Variants in FMO3 observed in about 807,000 individuals in gnomAD.
FMO3 encodes the protein flavin-containing monooxygenase 3.
Under a neutral mutation model 39.4 loss-of-function variants are expected in FMO3, and 40 were observed. The observed-to-expected ratio is 1.02, with a 90% CI of 0.79 to 1.32. FMO3 has a LOEUF of 1.32. Among genes scored for constraint, FMO3 ranks in the 40% most tolerant of loss-of-function variants. FMO3 has a pLI of 0.00. For missense variants in FMO3, 680 were observed against 651.8 expected, an observed-to-expected ratio of 1.04 and a Z score of -0.47; for synonymous variants, 219 against 228.8, an observed-to-expected ratio of 0.96 and a Z score of 0.39.
At chr1:171,096,443 T>C (rs1211229799) in intron 2 of FMO3, among the ~76,000 whole-genome samples, 3 of 105,156 alleles carry the variant, frequency 2.9e-5, no homozygotes, top group Non-Finnish European at 5.0e-5. Flanking sequence ...TTACATATTT[T>C]ATATATTAAA....
chr1:171,096,560 T>C (rs1415352244), intron 2 of FMO3, among the ~76,000 whole-genome samples: 1 of 65,618 alleles, frequency 1.5e-5, no homozygotes, highest in Non-Finnish European at 2.7e-5. Flanking sequence ...ACTTTATATA[T>C]TAAATACATA....
intron 2 of FMO3, among the ~76,000 whole-genome samples, chr1:171,102,015 G>T (rs1177201327): frequency 6.6e-6 from 1 of 151,932 alleles, no homozygotes; most frequent in Admixed American, 6.6e-5. Flanking sequence ...CTCACAGAAA[G>T]CTACAAATTT....
Position 171,112,540 on chromosome 1 carries a change from C to T in FMO3, c.828-1467C>T, listed in dbSNP as rs112679003. Among the ~76,000 whole-genome samples the T allele has an allele frequency of 3.9e-5, 6 of 152,098 alleles. 1 individual carries two copies. The highest frequency in any genetic ancestry group is 1.2e-4 in the African/African-American group (5 of 41,480). On this transcript the variant is annotated intron_variant, in intron 6 of 8. Transcript: ENST00000367755. ...GTGGACTGGATAGAGGATGAGAGAG[C>T]AAGGAGGGAGTAAGAATGTCTTCAA... is the stretch of plus-strand genomic sequence containing the variant.
chr1:171,100,817 C>A, intron 2 of FMO3: 1 of 263,768 alleles, frequency 3.8e-6, no homozygotes. Context: ...TCAAAGATAT[C>A]ACATCCAAAT....
Position 171,103,826 on chromosome 1 carries a change from C to CA in FMO3, c.174_175insA (p.Phe59IlefsTer19). Reference sequence around the variant, plus strand: ...GCAGGGCTAGCATTTACAAATCAGTCTTTTCCAACTCTTCCAAAGAGATGA... The same window carrying CA: ...GCAGGGCTAGCATTTACAAATCAGTCATTTTCCAACTCTTCCAAAGAGATGA... On this transcript the variant is annotated frameshift_variant, in exon 3 of 9. Transcript: ENST00000367755. LOFTEE classifies it high-confidence loss of function. 1 of 1,613,910 alleles carries CA rather than the reference C, an allele frequency of 6.2e-7. No individual in the cohort carries two copies. The highest frequency in any genetic ancestry group is 8.5e-7 in the Non-Finnish European group (1 of 1,179,878).
At position 171,117,470 on chromosome 1, in the gene FMO3, G is replaced by T. The variant is rs2101925903; in HGVS notation, c.*28G>T. 1 of 1,584,640 alleles carries T rather than the reference G, an allele frequency of 6.3e-7. No homozygotes were observed. The highest frequency in any genetic ancestry group is 2.2e-5 in the East Asian group (1 of 44,680). On this transcript the variant is annotated 3_prime_UTR_variant, in exon 9 of 9. Coordinates refer to ENST00000367755, the MANE Select transcript of FMO3 (RefSeq NM_001002294.3). ...ATCATTTTCTCTAGGATTTCTGAAA[G>T]TTACTGACAATACCCAGACAGGGGC...
At chr1:171,112,102 A>C (rs1399552543) in intron 6 of FMO3, among the ~76,000 whole-genome samples, 1 of 152,182 alleles carries the variant, frequency 6.6e-6, no homozygotes, top group Admixed American at 6.5e-5. Context: ...ATTTACGGGC[A>C]GGGCTGGCAT....
At chr1:171,105,567 T>C (rs1486302925) in intron 3 of FMO3, among the ~76,000 whole-genome samples, 1 of 152,138 alleles carries the variant, frequency 6.6e-6, no homozygotes, top group Non-Finnish European at 1.5e-5. Flanking sequence ...CCTGACTTTT[T>C]AATGATCGCC....
At chr1:171,113,722 G>A (rs1430205863) in intron 6 of FMO3, among the ~76,000 whole-genome samples, 1 of 152,100 alleles carries the variant, frequency 6.6e-6, no homozygotes, top group Non-Finnish European at 1.5e-5. Flanking sequence ...CCTGAAACAG[G>A]CTTTAACAGG....
At chr1:171,096,592 C>G (rs186894091) in intron 2 of FMO3, among the ~76,000 whole-genome samples, 1 of 111,854 alleles carries the variant, frequency 8.9e-6, no homozygotes, top group South Asian at 2.9e-4. Flanking sequence ...ATATTAAATA[C>G]ATAATATACT....
At chr1:171,100,650 T>A (rs531347269) in intron 2 of FMO3, 1 of 155,846 alleles carries the variant, frequency 6.4e-6, no homozygotes, top group African/African-American at 2.4e-5. Context: ...ATTGAAAATA[T>A]ATAAATGAGA....
intron 1 of FMO3, among the ~76,000 whole-genome samples, chr1:171,092,223 G>A (rs1654747114): frequency 6.6e-6 from 1 of 151,924 alleles, no homozygotes; most frequent in African/African-American, 2.4e-5. Context: ...ATCACTAAAA[G>A]GAATTTGTTT....
At position 171,096,307 on chromosome 1, in the gene FMO3, TATA is replaced by T. The variant is rs1409075301; in HGVS notation, c.132+3521_132+3523del. Among the ~76,000 whole-genome samples, 391 of 96,264 alleles carry T rather than the reference TATA, an allele frequency of 4.1e-3. 2 individuals carry two copies. The highest frequency in any genetic ancestry group is 0.015 in the African/African-American group (351 of 22,834). 63.2% of individuals were successfully genotyped at this position (96,264 alleles called of 152,430 possible). On this transcript the variant is annotated intron_variant, in intron 2 of 8. Transcript: ENST00000367755. ...TATTATATATCTATTATATATCATATATAATATTTATATATAATATATAAAATA... is the reference window on the plus strand; with the variant it reads ...TATTATATATCTATTATATATCATATATATTTATATATAATATATAAAATA...
chr1:171,115,714 T>C (rs1040972504), intron 7 of FMO3, among the ~76,000 whole-genome samples: 1 of 152,158 alleles, frequency 6.6e-6, no homozygotes, highest in Admixed American at 6.5e-5. Context: ...GTCTCCTGGG[T>C]CTCCCTTATG....
In FMO3 at chr1:171,117,263, G is replaced by C. The variant is rs1656201510; in HGVS notation, c.1420G>C (p.Val474Leu). The change falls in exon 9 of 9, where the codon GTG becomes CTG. Residue 474 changes from valine (V) to leucine (L), a missense_variant. Coordinates refer to ENST00000367755, the MANE Select transcript of FMO3 (RefSeq NM_001002294.3). ...TTGTAGTCCCTACCAGTTTAGGCTG[G>C]TGGGCCCAGGGCAGTGGCCAGGAGC... is the stretch of plus-strand genomic sequence containing the variant. ...GPCSPYQFRL[V>L]GPGQWPGARN... 2 of 1,614,056 alleles carry C rather than the reference G, an allele frequency of 1.2e-6. No homozygotes were observed. The highest frequency in any genetic ancestry group is 2.2e-5 in the East Asian group (1 of 44,888).
intron 2 of FMO3, among the ~76,000 whole-genome samples, chr1:171,099,372 A>G (rs1655252229): frequency 6.6e-6 from 1 of 152,186 alleles, no homozygotes; most frequent in East Asian, 1.9e-4. Flanking sequence ...CATCTTATAC[A>G]ATGTTGTGGA....
At chr1:171,108,406 C>T (rs1444017372) in intron 5 of FMO3, among the ~76,000 whole-genome samples, 185 bp downstream of exon 5, 6 of 152,116 alleles carry the variant, frequency 3.9e-5, no homozygotes, top group Non-Finnish European at 8.8e-5. Context: ...TAGACAAAGG[C>T]AGAACATCAG....
rs72549333 is a variant in FMO3, at chr1:171,117,267, G to T, written c.1424G>T (p.Gly475Val). The change falls in exon 9 of 9, where the codon GGC becomes GTC. Residue 475 changes from glycine to valine, a missense_variant. Transcript: ENST00000367755. ...AGTCCCTACCAGTTTAGGCTGGTGG[G>T]CCCAGGGCAGTGGCCAGGAGCCAGA... ...PCSPYQFRLVGPGQWPGARNA... is the reference protein window; with the variant it reads ...PCSPYQFRLVVPGQWPGARNA... 1 of 1,614,050 alleles carries T rather than the reference G, an allele frequency of 6.2e-7. No homozygotes were observed.
At chr1:171,103,437 G>A (rs1291933756) in intron 2 of FMO3, among the ~76,000 whole-genome samples, 4 of 151,740 alleles carry the variant, frequency 2.6e-5, no homozygotes, top group African/African-American at 9.7e-5. Context: ...TGCAAGTTCT[G>A]CATCCACAGA....
Sources: allele counts gnomAD v4.1 joint callset (sites outside exome capture counted in the v4.1 genomes callset), GRCh38; gene constraint gnomAD v4.1.1; transcripts MANE v1.5; gene names NCBI Gene and HGNC (gene_info 2026-07-23, HGNC 2026-07-21).